The following ZCCHC14 variants were observed in gnomAD, a reference collection of about 807,000 sequenced individuals.
ZCCHC14 encodes zinc finger CCHC-type containing 14, also known as zinc finger CCHC domain-containing protein 14.
A neutral mutation model predicts 85.0 loss-of-function variants in ZCCHC14; 16 were observed. The ratio of observed to expected loss-of-function variants is 0.19; its 90% CI spans 0.13 to 0.29. ZCCHC14 has a LOEUF of 0.29. Among genes scored for constraint, ZCCHC14 ranks in the 10% least tolerant of loss-of-function variants. The probability of loss-of-function intolerance (pLI) is 1.00; values close to 1 mark genes in which losing one functional copy is unlikely to be tolerated. For missense variants in ZCCHC14, 1,303 were observed against 1,443.5 expected (o/e 0.90, Z 1.58); for synonymous variants, 775 against 630.7 (o/e 1.23, Z -3.43).
At chr16:87,488,765 A>G (rs142879351) in intron 1 of ZCCHC14, among the ~76,000 whole-genome samples, 2 of 152,236 alleles carry the variant, frequency 1.3e-5, no homozygotes, top group African/African-American at 4.8e-5. Context: ...TTTTGTAGAG[A>G]CAGGGTTTTG....
chr16:87,441,370 C>T (rs1023625115), intron 2 of ZCCHC14, among the ~76,000 whole-genome samples: 13 of 152,178 alleles, frequency 8.5e-5, no homozygotes, highest in African/African-American at 3.1e-4. Context: ...TTCATCTTTC[C>T]CGGTTTTGTC....
chr16:87,450,850 A>G (rs1910663960), intron 2 of ZCCHC14, among the ~76,000 whole-genome samples: 1 of 139,312 alleles, frequency 7.2e-6, no homozygotes, highest in Non-Finnish European at 1.6e-5. Flanking sequence ...GCCACTGCGC[A>G]TGGTCTGATA....
rs1186082322 is a variant in ZCCHC14, at chr16:87,492,299, C to T, written c.-61G>A. ...GGACCGCGCGGGGGCGGCCGGGGGG[C>T]GCCGGGGGCCGCGGCCGGGGCGCGC... On this transcript the variant is annotated 5_prime_UTR_variant, in exon 1 of 13. Transcript: ENST00000671377. This position sits in a 1 kb window ranked among gnomAD's most constrained non-coding sequence, Gnocchi z 6.7. 3 of 910,310 alleles carry T rather than the reference C, an allele frequency of 3.3e-6. No individual in the cohort carries two copies. Among genetic ancestry groups the T allele is most frequent in the Non-Finnish European group, 3.9e-6 (3 of 765,628 alleles). The allele number at this position is 910,310 out of a possible 1,614,324, so 56.4% of individuals were successfully genotyped here.
At position 87,413,251 on chromosome 16, in the gene ZCCHC14, C is replaced by T. The variant is rs922297723; in HGVS notation, c.1604-56G>A. On this transcript the variant is annotated intron_variant, in intron 10 of 12. Coordinates refer to ENST00000671377, the MANE Select transcript of ZCCHC14 (RefSeq NM_015144.3). Reference sequence around the variant, plus strand: ...AACTAGCGCCCCTGCAGGCTCAGCCCGCCCCGTGCCCCTGCATCGCACTGT... The same window carrying T: ...AACTAGCGCCCCTGCAGGCTCAGCCTGCCCCGTGCCCCTGCATCGCACTGT... The T allele has an allele frequency of 4.6e-5, 67 of 1,462,196 alleles. No individual in the cohort carries two copies. In the African/African-American group the frequency reaches 7.1e-4, roughly 15 times the overall value. 90.6% of individuals were successfully genotyped at this position (1,462,196 alleles called of 1,614,324 possible).
Position 87,456,586 on chromosome 16 carries a change from G to A in ZCCHC14, c.694+3422C>T, listed in dbSNP as rs1235857813. On this transcript the variant is annotated intron_variant, in intron 2 of 12. Coordinates refer to ENST00000671377, the MANE Select transcript of ZCCHC14 (RefSeq NM_015144.3). ...AAATTTAGATTTTAGGTGAATTCTTGTCTTCTTAGAATTCATGTTCTAATT... is the reference window on the plus strand; with the variant it reads ...AAATTTAGATTTTAGGTGAATTCTTATCTTCTTAGAATTCATGTTCTAATT... 2.4e-5 allele frequency among the ~76,000 whole-genome samples: 3 copies of A among 126,058 alleles called. No individual in the cohort carries two copies. In the East Asian group the frequency reaches 7.0e-4, roughly 30 times the overall value. 82.7% of individuals were successfully genotyped at this position (126,058 alleles called of 152,430 possible).
At chr16:87,467,733 G>A (rs1327451232) in intron 1 of ZCCHC14, 2 of 604,172 alleles carry the variant, frequency 3.3e-6, no homozygotes, top group Admixed American at 2.4e-5. Flanking sequence ...CTCACTGCAA[G>A]CTCCGCCTCC....
At chr16:87,481,109 GAGGCAGACCCAGGCC>G (rs1912248934) in intron 1 of ZCCHC14, among the ~76,000 whole-genome samples, 1 of 152,182 alleles carries the variant, frequency 6.6e-6, no homozygotes, top group Non-Finnish European at 1.5e-5. Context: ...GGGGGTTATG[GAGGCAGACCCAGGCC>G]AGGGAGACCA....
At chr16:87,446,937 T>C (rs1418290679) in intron 2 of ZCCHC14, among the ~76,000 whole-genome samples, 3 of 152,162 alleles carry the variant, frequency 2.0e-5, no homozygotes, top group Non-Finnish European at 4.4e-5. Context: ...TCCACCTGCC[T>C]TGGCCTCAAG....
chr16:87,425,501 G>A (rs546122245), intron 3 of ZCCHC14, among the ~76,000 whole-genome samples: 6 of 152,142 alleles, frequency 3.9e-5, no homozygotes, highest in Admixed American at 6.5e-5. Flanking sequence ...GCTTGAACCC[G>A]GGAGGGGGAG....
At chr16:87,462,057 T>G (rs918631928) in intron 1 of ZCCHC14, among the ~76,000 whole-genome samples, 3 of 149,532 alleles carry the variant, frequency 2.0e-5, no homozygotes, top group South Asian at 2.1e-4. Context: ...TGCTTGAAAC[T>G]ATGAGTTTGT....
chr16:87,440,906 C>T (rs889944145), intron 2 of ZCCHC14, among the ~76,000 whole-genome samples: 7 of 151,862 alleles, frequency 4.6e-5, no homozygotes, highest in Non-Finnish European at 8.8e-5. Context: ...TGCACCTTCA[C>T]GCCCAGCCCT....
chr16:87,474,003 C>A (rs1911892175), intron 1 of ZCCHC14: 1 of 152,158 alleles, frequency 6.6e-6, no homozygotes, highest in African/African-American at 2.4e-5. Context: ...TTACTGTCAG[C>A]CATGCAACAA....
At chr16:87,477,085 A>G (rs1912040726) in intron 1 of ZCCHC14, among the ~76,000 whole-genome samples, 2 of 139,384 alleles carry the variant, frequency 1.4e-5, no homozygotes, top group Non-Finnish European at 3.1e-5. Flanking sequence ...AGATCGCTAC[A>G]TTGTACTCTA....
At chr16:87,453,687 T>C (rs1597432839) in intron 2 of ZCCHC14, among the ~76,000 whole-genome samples, 1 of 152,332 alleles carries the variant, frequency 6.6e-6, no homozygotes, top group South Asian at 2.1e-4. Flanking sequence ...ATATTCCCTG[T>C]TGCAAGAGAG....
chr16:87,484,783 A>T (rs1912439901), intron 1 of ZCCHC14, among the ~76,000 whole-genome samples: 1 of 152,080 alleles, frequency 6.6e-6, no homozygotes, highest in African/African-American at 2.4e-5. Flanking sequence ...GAGTGGTGTT[A>T]AAGGTGGGGT....
chr16:87,425,149 T>C (rs916020833), intron 3 of ZCCHC14, among the ~76,000 whole-genome samples: 1 of 152,150 alleles, frequency 6.6e-6, no homozygotes, highest in East Asian at 1.9e-4. Flanking sequence ...CACAGGCCAG[T>C]CGAGGAAAGG....
intron 1 of ZCCHC14, among the ~76,000 whole-genome samples, chr16:87,465,933 C>T (rs920420304): frequency 1.3e-5 from 2 of 152,162 alleles, no homozygotes; most frequent in Admixed American, 6.5e-5. Flanking sequence ...GGATTACAGG[C>T]GTGAGCCACC....
intron 2 of ZCCHC14, among the ~76,000 whole-genome samples, chr16:87,448,409 G>C (rs1048950907): frequency 6.6e-6 from 1 of 152,152 alleles, no homozygotes; most frequent in Non-Finnish European, 1.5e-5. Context: ...CTCGACATGG[G>C]TGTTTTCAAC....
rs9933619 is a variant in ZCCHC14, at chr16:87,415,145, C to T, written c.1475+131G>A. The T allele has an allele frequency of 7.6e-3, 4,812 of 637,202 alleles. 184 individuals are homozygous for T. The African/African-American group carries it at 0.085, about 11-fold the overall frequency. 39.5% of individuals were successfully genotyped at this position (637,202 alleles called of 1,614,324 possible). ...ATAAATAAATAAAAATAAATAAAAG[C>T]ATGGCTAAGGACTGGATAAGCAACA... On this transcript the variant is annotated intron_variant, in intron 9 of 12. Coordinates refer to ENST00000671377, the MANE Select transcript of ZCCHC14 (RefSeq NM_015144.3).
Sources: allele counts gnomAD v4.1 joint callset (sites outside exome capture counted in the v4.1 genomes callset), GRCh38; gene constraint gnomAD v4.1.1; non-coding constraint Gnocchi (gnomAD v3.1); transcripts MANE v1.5; gene names NCBI Gene and HGNC (gene_info 2026-07-23, HGNC 2026-07-21).